PALM2AKAP2: variants seen among roughly 807,000 people sequenced by gnomAD.
The protein encoded by PALM2AKAP2 is PALM2 and AKAP2 fusion.
In PALM2AKAP2, 37 loss-of-function variants were observed where a neutral mutation model predicts 71.5. The observed-to-expected ratio is 0.52, with a 90% CI of 0.40 to 0.68. PALM2AKAP2 has a LOEUF of 0.68. Among genes scored for constraint, PALM2AKAP2 ranks in the 30% least tolerant of loss-of-function variants. PALM2AKAP2 has a pLI of 0.00. For missense variants in PALM2AKAP2, 1,224 were observed against 1,191.8 expected, an observed-to-expected ratio of 1.03 and a Z score of -0.40; for synonymous variants, 468 against 478.8, an observed-to-expected ratio of 0.98 and a Z score of 0.29.
intron 1 of PALM2AKAP2, among the ~76,000 whole-genome samples, chr9:109,748,088 G>A (rs1343002528): frequency 3.3e-5 from 5 of 152,188 alleles, no homozygotes; most frequent in African/African-American, 1.2e-4. Flanking sequence ...GAAGCTGGTG[G>A]CCACCTTCTT....
At chr9:110,144,432 G>T (rs1048773012) in intron 2 of PALM2AKAP2, among the ~76,000 whole-genome samples, 1 of 152,194 alleles carries the variant, frequency 6.6e-6, no homozygotes, top group Non-Finnish European at 1.5e-5. Flanking sequence ...CCTTAAAGCT[G>T]CATATAATAC....
chr9:109,878,468 TG>T (rs150598365), intron 2 of PALM2AKAP2, among the ~76,000 whole-genome samples: 4,604 of 152,342 alleles, frequency 0.03, 144 homozygotes, highest in South Asian at 0.15. Flanking sequence ...AATTTGCCTA[TG>T]TGCTGCAAGA....
chr9:109,739,344 A>G (rs1383315492), intron 1 of PALM2AKAP2, among the ~76,000 whole-genome samples: 1 of 152,258 alleles, frequency 6.6e-6, no homozygotes, highest in Non-Finnish European at 1.5e-5. Flanking sequence ...CATGTTTTAG[A>G]GAATGCCATC....
intron 1 of PALM2AKAP2, among the ~76,000 whole-genome samples, chr9:109,653,800 G>C (rs77495499): frequency 0.014 from 2,120 of 152,206 alleles, 18 homozygotes; most frequent in Middle Eastern, 0.068. Flanking sequence ...GTGGGTGTGG[G>C]GTTCCTCATC....
At chr9:109,657,938 T>TTGTGTGTGTGTGTGTGTG (rs35984840) in intron 1 of PALM2AKAP2, among the ~76,000 whole-genome samples, 4 of 142,544 alleles carry the variant, frequency 2.8e-5, no homozygotes, top group South Asian at 2.3e-4. Flanking sequence ...TTGTGTGTGT[T>TTGTGTGTGTGTGTGTGTG]TGTGTGTGTG....
intron 3 of PALM2AKAP2, among the ~76,000 whole-genome samples, chr9:110,160,835 G>GCT (rs756843073): frequency 1.3e-5 from 2 of 152,022 alleles, no homozygotes; most frequent in Non-Finnish European, 2.9e-5. Context: ...TTTCCAGTGT[G>GCT]CTCTCTCTCT....
At chr9:110,066,507 G>A (rs1834082411) in intron 1 of PALM2AKAP2, among the ~76,000 whole-genome samples, 1 of 152,072 alleles carries the variant, frequency 6.6e-6, no homozygotes, top group Non-Finnish European at 1.5e-5. Flanking sequence ...GACCAGCCTG[G>A]GCAGCATAGT....
intron 1 of PALM2AKAP2, among the ~76,000 whole-genome samples, chr9:109,706,840 AT>A (rs1481688876): frequency 6.6e-6 from 1 of 152,214 alleles, no homozygotes; most frequent in Non-Finnish European, 1.5e-5. Context: ...TTTATTTTAA[AT>A]GTCCAGAATA....
intron 2 of PALM2AKAP2, among the ~76,000 whole-genome samples, chr9:110,150,707 CT>C (rs1836289468): frequency 6.6e-6 from 1 of 152,214 alleles, no homozygotes; most frequent in Non-Finnish European, 1.5e-5. Flanking sequence ...TAGTGTTCAT[CT>C]TATGCTGATT....
chr9:110,138,778 TTTG>T (rs1835960413), intron 2 of PALM2AKAP2, among the ~76,000 whole-genome samples: 1 of 152,254 alleles, frequency 6.6e-6, no homozygotes, highest in Non-Finnish European at 1.5e-5. Flanking sequence ...TAGCTCCTTC[TTTG>T]TTGTTCTGCT....
intron 1 of PALM2AKAP2, among the ~76,000 whole-genome samples, chr9:110,100,081 A>ATATATATATATATATATC (rs1554751767): frequency 4.6e-4 from 66 of 144,378 alleles, no homozygotes; most frequent in Admixed American, 3.7e-3. Flanking sequence ...ATATATATAT[A>ATATATATATATATATATC]GAAACATAAA....
exon 7 of PALM2AKAP2, chr9:110,015,983 G>A: frequency 1.2e-6 from 2 of 1,614,054 alleles, no homozygotes; most frequent in Non-Finnish European, 1.7e-6. Flanking sequence ...GCTGCTAAAG[G>A]AAGGTGAGTC....
chr9:109,805,021 C>T (rs10759365), intron 1 of PALM2AKAP2, among the ~76,000 whole-genome samples: 26,979 of 152,156 alleles, frequency 0.18, 2,801 homozygotes, highest in East Asian at 0.35. Flanking sequence ...TTTCTCATGC[C>T]GTTATAAACT....
chr9:109,878,255 C>T (rs1404578047), intron 2 of PALM2AKAP2, among the ~76,000 whole-genome samples: 1 of 152,078 alleles, frequency 6.6e-6, no homozygotes, highest in Non-Finnish European at 1.5e-5. Context: ...TAATACCTAC[C>T]CTGGTGGTAG....
At chr9:109,855,046 G>C (rs1829125106) in intron 1 of PALM2AKAP2, among the ~76,000 whole-genome samples, 2 of 151,632 alleles carry the variant, frequency 1.3e-5, no homozygotes, top group Non-Finnish European at 2.9e-5. Flanking sequence ...GGGATTACAG[G>C]CGTGAGCCAC....
chr9:109,844,980 C>A (rs13299867), intron 1 of PALM2AKAP2, among the ~76,000 whole-genome samples: 1 of 147,192 alleles, frequency 6.8e-6, no homozygotes, highest in Admixed American at 6.8e-5. Flanking sequence ...CACGCATGCA[C>A]GCACACACGC....
intron 1 of PALM2AKAP2, among the ~76,000 whole-genome samples, chr9:109,828,480 C>T (rs371498856): frequency 1.4e-4 from 22 of 152,214 alleles, no homozygotes; most frequent in African/African-American, 2.4e-4. Flanking sequence ...AAGCATCGGT[C>T]GATGATTTAT....
chr9:109,648,297 T>C (rs575980997), intron 1 of PALM2AKAP2, among the ~76,000 whole-genome samples: 4 of 152,274 alleles, frequency 2.6e-5, no homozygotes, highest in Non-Finnish European at 5.9e-5. Context: ...GACTAATACT[T>C]AGTGTTAGTT....
chr9:109,960,223 C>T (rs1022950232), intron 6 of PALM2AKAP2, among the ~76,000 whole-genome samples: 2 of 152,176 alleles, frequency 1.3e-5, no homozygotes, highest in Admixed American at 6.5e-5. Context: ...TCATCCTGCT[C>T]AGCCCAGCTG....
Sources: allele counts gnomAD v4.1 joint callset (sites outside exome capture counted in the v4.1 genomes callset), GRCh38; gene constraint gnomAD v4.1.1; transcripts MANE v1.5; gene names NCBI Gene and HGNC (gene_info 2026-07-23, HGNC 2026-07-21).